MAP6: variants seen among roughly 807,000 people sequenced by gnomAD.
The protein encoded by MAP6 is microtubule associated protein 6.
Under a neutral mutation model 42.4 loss-of-function variants are expected in MAP6, and 26 were observed. The observed-to-expected ratio is 0.61, with a 90% CI of 0.45 to 0.85. The LOEUF is 0.85. MAP6 is among the 40% of genes least tolerant of loss of function. The pLI, the probability that MAP6 is intolerant of heterozygous loss-of-function variation, is 0.00. For missense variants in MAP6, 966 were observed against 1,099.0 expected, an observed-to-expected ratio of 0.88 and a Z score of 1.71; for synonymous variants, 418 against 443.8, an observed-to-expected ratio of 0.94 and a Z score of 0.73.
intron 3 of MAP6, among the ~76,000 whole-genome samples, chr11:75,602,206 C>T (rs1436347684): frequency 2.0e-5 from 3 of 152,102 alleles, no homozygotes; most frequent in African/African-American, 7.2e-5. Flanking sequence ...TGGCCTTGCC[C>T]TTACATATCC....
intron 1 of MAP6, among the ~76,000 whole-genome samples, chr11:75,631,335 C>T (rs1044808264): frequency 6.6e-6 from 1 of 152,200 alleles, no homozygotes; most frequent in East Asian, 1.9e-4. Context: ...CAAGAACTAC[C>T]CTCCCTAAGC....
chr11:75,594,260 A>G (rs1266834837), intron 3 of MAP6: 4 of 152,086 alleles, frequency 2.6e-5, no homozygotes, highest in Admixed American at 2.6e-4. Flanking sequence ...ACGGCACCAC[A>G]GGGCCCCTGG....
At chr11:75,601,085 C>T (rs982178333) in intron 3 of MAP6, among the ~76,000 whole-genome samples, 1 of 152,166 alleles carries the variant, frequency 6.6e-6, no homozygotes, top group Non-Finnish European at 1.5e-5. Flanking sequence ...CGGAAGAGCC[C>T]CTGGGGGAGC....
chr11:75,621,320 A>G (rs1048792578), intron 1 of MAP6, among the ~76,000 whole-genome samples: 10 of 152,286 alleles, frequency 6.6e-5, no homozygotes, highest in Non-Finnish European at 1.5e-4. Context: ...TACTTAAAAA[A>G]AAAGAAAGAA....
At chr11:75,631,728 T>C (rs1388165700) in intron 1 of MAP6, among the ~76,000 whole-genome samples, 1 of 152,234 alleles carries the variant, frequency 6.6e-6, no homozygotes, top group Non-Finnish European at 1.5e-5. Flanking sequence ...TCGGGTGCTT[T>C]GATATATTTA....
Position 75,599,742 on chromosome 11 carries a change from G to A in MAP6, c.1316+6066C>T, listed in dbSNP as rs150926511. Among the ~76,000 whole-genome samples the A allele has an allele frequency of 2.7e-3, 416 of 152,322 alleles. 1 individual carries two copies. Among genetic ancestry groups the A allele is most frequent in the African/African-American group, 9.4e-3 (392 of 41,558 alleles). On this transcript the variant is annotated intron_variant, in intron 3 of 3. Transcript: ENST00000304771. Reference sequence around the variant, plus strand: ...TTGTCTGAAACCTGATTCTTTTCAGGCCAGCTGAGCCTCCTTCAGGTGAGA... The same window carrying A: ...TTGTCTGAAACCTGATTCTTTTCAGACCAGCTGAGCCTCCTTCAGGTGAGA...
chr11:75,619,805 A>G (rs531855240), intron 1 of MAP6, among the ~76,000 whole-genome samples: 1 of 152,352 alleles, frequency 6.6e-6, no homozygotes, highest in South Asian at 2.1e-4. Flanking sequence ...ATGCGTCTTT[A>G]TAACAGAATG....
chr11:75,611,036 T>C (rs1942887542), intron 1 of MAP6, among the ~76,000 whole-genome samples: 1 of 152,180 alleles, frequency 6.6e-6, no homozygotes, highest in Non-Finnish European at 1.5e-5. Context: ...CTTCCTGACC[T>C]GACTTCTGAA....
At chr11:75,664,408 T>C (rs1943910989) in intron 1 of MAP6, among the ~76,000 whole-genome samples, 2 of 152,358 alleles carry the variant, frequency 1.3e-5, no homozygotes, top group South Asian at 4.1e-4. Flanking sequence ...ACAATGAGCA[T>C]GTATATGATT....
Position 75,668,393 on chromosome 11 carries a change from C to G in MAP6, c.-24G>C. On this transcript the variant is annotated 5_prime_UTR_variant, in exon 1 of 4. Transcript: ENST00000304771. The stretch of plus-strand genomic sequence containing the variant: ...ATGATGCTAGCTGAAAAGCCGGCCT[C>G]CTCTTTCTTCTTGTGGTTCTAAAGC... 1.3e-6 allele frequency: 2 copies of G among 1,563,224 alleles called. No homozygotes were observed. The highest frequency in any genetic ancestry group is 1.7e-6 in the Non-Finnish European group (2 of 1,162,224).
chr11:75,656,436 T>C (rs951668363), intron 1 of MAP6, among the ~76,000 whole-genome samples: 1 of 152,220 alleles, frequency 6.6e-6, no homozygotes, highest in Non-Finnish European at 1.5e-5. Flanking sequence ...ATGTGTATTA[T>C]GTAATACACA....
chr11:75,657,110 A>ATTT (rs60988687), intron 1 of MAP6, among the ~76,000 whole-genome samples: 4 of 123,294 alleles, frequency 3.2e-5, no homozygotes, highest in Non-Finnish European at 3.5e-5. Context: ...TGGAGACACT[A>ATTT]TTTTTTTTTT....
intron 1 of MAP6, among the ~76,000 whole-genome samples, chr11:75,661,430 T>C (rs1943841909): frequency 6.6e-6 from 1 of 151,982 alleles, no homozygotes; most frequent in African/African-American, 2.4e-5. Flanking sequence ...TATGAATATA[T>C]ACGCAAGCAT....
In MAP6 at chr11:75,634,052, C is replaced by T. The variant is rs1943329542; in HGVS notation, c.906-25730G>A. On this transcript the variant is annotated intron_variant, in intron 1 of 3. Transcript: ENST00000304771. ...CTGTTAGGAGACTCCTTCGATAGTCCAGATAAAAGATTATGACGGGGTGGG... is the reference window on the plus strand; with the variant it reads ...CTGTTAGGAGACTCCTTCGATAGTCTAGATAAAAGATTATGACGGGGTGGG... Among the ~76,000 whole-genome samples, 4 of 152,120 alleles carry T rather than the reference C, an allele frequency of 2.6e-5. No individual in the cohort carries two copies. The South Asian group carries it at 8.3e-4, about 31-fold the overall frequency.
At position 75,668,179 on chromosome 11, in the gene MAP6, G is replaced by A; in HGVS notation, c.191C>T (p.Ala64Val). The change falls in exon 1 of 4, where the codon GCG becomes GTG. Residue 64 changes from alanine (A) to valine (V), a missense_variant. Physicochemically the swap from Ala to Val is moderately conservative, Grantham distance 64. Coordinates refer to ENST00000304771, the MANE Select transcript of MAP6 (RefSeq NM_033063.2). ...QPALAPPSAR[A>V]VAIETQPAQG... ...GGCTGGCTGCGTCTCTATGGCAACCGCGCGCGCCGAGGGGGGCGCGAGCGC... is the reference window on the plus strand; with the variant it reads ...GGCTGGCTGCGTCTCTATGGCAACCACGCGCGCCGAGGGGGGCGCGAGCGC... 2 of 1,215,936 alleles carry A rather than the reference G, an allele frequency of 1.6e-6. No individual in the cohort carries two copies. Among genetic ancestry groups the A allele is most frequent in the Middle Eastern group, 3.0e-4 (1 of 3,366 alleles). 75.3% of individuals were successfully genotyped at this position (1,215,936 alleles called of 1,614,324 possible).
At chr11:75,663,466 C>T (rs1021863232) in intron 1 of MAP6, among the ~76,000 whole-genome samples, 24 of 152,040 alleles carry the variant, frequency 1.6e-4, no homozygotes, top group African/African-American at 4.8e-4. Context: ...TTCAACAAGC[C>T]CTAAAAAGTC....
At chr11:75,631,217 G>A (rs1320204776) in intron 1 of MAP6, among the ~76,000 whole-genome samples, 1 of 152,088 alleles carries the variant, frequency 6.6e-6, no homozygotes, top group Admixed American at 6.6e-5. Context: ...GGTATTTTTG[G>A]TCACTCTCCC....
Position 75,668,646 on chromosome 11 carries a change from C to G in MAP6, c.-277G>C. On this transcript the variant is annotated 5_prime_UTR_variant, in exon 1 of 4. Coordinates refer to ENST00000304771, the MANE Select transcript of MAP6 (RefSeq NM_033063.2). ...GGTGAGACGCACGGCGTTCCCGAGT[C>G]CCCGGCGAGGGTGTCTGGGACGCGC... 3.5e-6 allele frequency: 1 copy of G among 282,702 alleles called. No individual in the cohort carries two copies. Among genetic ancestry groups the G allele is most frequent in the Non-Finnish European group, 6.5e-6 (1 of 153,900 alleles). The allele number at this position is 282,702 out of a possible 1,614,324, so 17.5% of individuals were successfully genotyped here. A position where few individuals can be genotyped will look rare whatever the true frequency, so the allele number is the denominator to read the frequency against.
At chr11:75,608,409 T>G in intron 1 of MAP6, 87 bp from the exon 2 acceptor site, 1 of 999,444 alleles carries the variant, frequency 1.0e-6, no homozygotes, top group Non-Finnish European at 1.6e-6. Flanking sequence ...CACAGCAAGC[T>G]CTCCATCAGT....
Sources: gnomAD v4.1 joint callset for allele counts (sites outside exome capture counted in the v4.1 genomes callset) on GRCh38, gnomAD v4.1.1 for gene constraint, MANE v1.5 for transcripts, NCBI Gene and HGNC (gene_info 2026-07-23, HGNC 2026-07-21) for gene names.